ATP6V1B1: variants seen among roughly 807,000 people sequenced by gnomAD.
ATP6V1B1 encodes V-type proton ATPase subunit B, kidney isoform.
A neutral mutation model predicts 62.1 loss-of-function variants in ATP6V1B1; 41 were observed. The observed-to-expected ratio is 0.66, with a 90% CI of 0.51 to 0.86. The LOEUF is 0.86. Among genes scored for constraint, ATP6V1B1 ranks in the 40% least tolerant of loss-of-function variants. The probability of loss-of-function intolerance (pLI) is 0.00; values close to 1 mark genes in which losing one functional copy is unlikely to be tolerated. For missense variants in ATP6V1B1, 651 were observed against 697.5 expected (o/e 0.93, Z 0.75); for synonymous variants, 253 against 273.4 (o/e 0.93, Z 0.74).
rs554650578 is a variant in ATP6V1B1 at position 70,961,022 on chromosome 2, G to T, written c.687G>T (p.Gly229=). 1.3e-6 allele frequency: 2 copies of T among 1,578,624 alleles called. No individual in the cohort carries two copies. Among genetic ancestry groups the T allele is most frequent in the East Asian group, 4.7e-5 (2 of 42,864 alleles). ...DNFAIVFAAM[G]VNMETARFFK... is the part of the protein sequence containing the mutation. ...TCGCCATCGTCTTTGCAGCCATGGG[G>T]GTGAGGAGACTTAGTAGACTGGCAA... Residue 229 remains glycine, a splice_region_variant and synonymous_variant, in exon 7 of 14, where the codon GGG becomes GGT. Transcript: ENST00000234396.
At chr2:70,946,395 T>G (rs1169433748) in intron 2 of ATP6V1B1, among the ~76,000 whole-genome samples, 1 of 152,152 alleles carries the variant, frequency 6.6e-6, no homozygotes, top group Non-Finnish European at 1.5e-5. Flanking sequence ...GCTAGCTACA[T>G]GCCAACCCTA....
At chr2:70,937,749 G>C (rs1395489268) in intron 1 of ATP6V1B1, among the ~76,000 whole-genome samples, 1 of 151,806 alleles carries the variant, frequency 6.6e-6, no homozygotes, top group Non-Finnish European at 1.5e-5. Flanking sequence ...CCTGGAAAGT[G>C]CCCCCACCTC....
chr2:70,963,020 A>G lies in ATP6V1B1; in HGVS notation c.909+120A>G. The G allele has an allele frequency of 6.3e-7, 1 of 1,598,800 alleles. No homozygotes were observed. ...CACCCAAGCCTGCCCCACTCCCATG[A>G]GTTCCAGGGCTTGGTCTCAGCCTGG... is the stretch of plus-strand genomic sequence containing the variant. On this transcript the variant is annotated intron_variant, in intron 9 of 13. Transcript: ENST00000234396. This position sits in a 1 kb window ranked among gnomAD's most constrained non-coding sequence, Gnocchi z 4.3.
intron 4 of ATP6V1B1, 64 bp from the exon 5 acceptor site, chr2:70,958,954 T>C: frequency 6.6e-7 from 1 of 1,503,970 alleles, no homozygotes; most frequent in East Asian, 2.3e-5. Flanking sequence ...GTGTGGAGGG[T>C]AGACAGTAGT....
chr2:70,957,809 C>T (rs1680477692), intron 2 of ATP6V1B1: 1 of 551,158 alleles, frequency 1.8e-6, no homozygotes, highest in African/African-American at 1.9e-5. Flanking sequence ...CAAGGTCAGG[C>T]AGCTACTAAG....
chr2:70,947,879 G>T (rs1553417643), intron 2 of ATP6V1B1, among the ~76,000 whole-genome samples: 1 of 152,170 alleles, frequency 6.6e-6, no homozygotes, highest in African/African-American at 2.4e-5. Context: ...TCAGTATGCG[G>T]CTGGGAAATA....
chr2:70,959,215 T>A lies in ATP6V1B1; in HGVS notation c.445+120T>A. ...GTGATGGGAGAGCAGCAAAGGCCTC[T>A]CTATCCCCAAATCTTCCACTGAACC... On this transcript the variant is annotated intron_variant, in intron 5 of 13. Coordinates refer to ENST00000234396, the MANE Select transcript of ATP6V1B1 (RefSeq NM_001692.4). This position sits in a 1 kb window ranked among gnomAD's most constrained non-coding sequence, Gnocchi z 4.2. 1 of 1,072,912 alleles carries A rather than the reference T, an allele frequency of 9.3e-7. No individual in the cohort carries two copies. Among genetic ancestry groups the A allele is most frequent in the Non-Finnish European group, 1.4e-6 (1 of 710,162 alleles). 66.5% of individuals were successfully genotyped at this position (1,072,912 alleles called of 1,614,324 possible).
At chr2:70,944,669 T>C (rs1409187143) in intron 2 of ATP6V1B1, among the ~76,000 whole-genome samples, 1 of 93,828 alleles carries the variant, frequency 1.1e-5, no homozygotes, top group Non-Finnish European at 2.1e-5. Flanking sequence ...AGGTCTTTTC[T>C]TTTTTTTTTT....
At chr2:70,942,116 TC>T in intron 1 of ATP6V1B1, 1 of 933,892 alleles carries the variant, frequency 1.1e-6, no homozygotes, top group Non-Finnish European at 1.4e-6. Flanking sequence ...CTCTGGTCCT[TC>T]ACCCCATGGA....
chr2:70,944,857 CG>C (rs34745542), intron 2 of ATP6V1B1, among the ~76,000 whole-genome samples: 1 of 152,116 alleles, frequency 6.6e-6, no homozygotes, highest in Middle Eastern at 3.2e-3. Flanking sequence ...TTAGCAGAGA[CG>C]GGGTTTCCCC....
Position 70,963,561 on chromosome 2 carries a change from T to C in ATP6V1B1, c.1061-11T>C. 1 of 1,613,470 alleles carries C rather than the reference T, an allele frequency of 6.2e-7. No individual in the cohort carries two copies. The highest frequency in any genetic ancestry group is 8.5e-7 in the Non-Finnish European group (1 of 1,179,632). On this transcript the variant is annotated splice_polypyrimidine_tract_variant and intron_variant, in intron 10 of 13. Transcript: ENST00000234396. This position sits in a 1 kb window ranked among gnomAD's most constrained non-coding sequence, Gnocchi z 4.3. ...CCCCACCCACACTGAGGCCAGTGAG[T>C]TTTCTTGTAGATATCACCCACCCTA...
Position 70,965,409 on chromosome 2 carries a change from A to T in ATP6V1B1, c.*288A>T, listed in dbSNP as rs182807043. On this transcript the variant is annotated 3_prime_UTR_variant, in exon 14 of 14. Coordinates refer to ENST00000234396, the MANE Select transcript of ATP6V1B1 (RefSeq NM_001692.4). ...TGTTAAAAGCCCACAAAATAAAAATAAAAAGTAACTGAGATGAATTTACCT... is the reference window on the plus strand; with the variant it reads ...TGTTAAAAGCCCACAAAATAAAAATTAAAAGTAACTGAGATGAATTTACCT... 1.8e-4 allele frequency: 92 copies of T among 523,004 alleles called. No homozygotes were observed. Among genetic ancestry groups the T allele is most frequent in the African/African-American group, 1.6e-3 (83 of 52,364 alleles). The allele number at this position is 523,004 out of a possible 1,614,324, so 32.4% of individuals were successfully genotyped here.
chr2:70,944,960 C>A (rs782353189), intron 2 of ATP6V1B1, among the ~76,000 whole-genome samples: 1 of 152,170 alleles, frequency 6.6e-6, no homozygotes, highest in Non-Finnish European at 1.5e-5. Flanking sequence ...AGCCACCGTG[C>A]CCAGCTGCTT....
At position 70,959,594 on chromosome 2, in the gene ATP6V1B1, GTGA is replaced by G. The variant is rs1553419669; in HGVS notation, c.446-341_446-339del. Among the ~76,000 whole-genome samples, 1 of 152,266 alleles carries G rather than the reference GTGA, an allele frequency of 6.6e-6. No homozygotes were observed. The highest frequency in any genetic ancestry group is 1.5e-5 in the Non-Finnish European group (1 of 68,048). Reference sequence around the variant, plus strand: ...AACCCTGCACTAGTATCTGGAGGTGGTGATGAGGGCTCTGCCCTCTTGGGCCCT... The same window carrying G: ...AACCCTGCACTAGTATCTGGAGGTGGTGAGGGCTCTGCCCTCTTGGGCCCT... On this transcript the variant is annotated intron_variant, in intron 5 of 13. Transcript: ENST00000234396. This position sits in a 1 kb window ranked among gnomAD's most constrained non-coding sequence, Gnocchi z 4.2.
chr2:70,962,901 GT>G lies in ATP6V1B1; in HGVS notation c.909+2del. 1 of 1,613,946 alleles carries G rather than the reference GT, an allele frequency of 6.2e-7. No homozygotes were observed. Among genetic ancestry groups the G allele is most frequent in the Non-Finnish European group, 8.5e-7 (1 of 1,179,992 alleles). On this transcript the variant is annotated splice_donor_variant, in intron 9 of 13. Transcript: ENST00000234396. LOFTEE classifies it high-confidence loss of function. ...TTCCTATGCAGAGGCCTTGCGGGAG[GT>G]AAGCTGGCTAGCAAGGGGTGTCAGA...
intron 4 of ATP6V1B1, 100 bp from the exon 5 acceptor site, chr2:70,958,918 T>C (rs1680512770): frequency 1.7e-6 from 2 of 1,151,796 alleles, no homozygotes; most frequent in Non-Finnish European, 2.6e-6. Flanking sequence ...GGCACTCCTG[T>C]GGGGAGTGGG....
At chr2:70,944,154 A>G (rs1265076666) in intron 2 of ATP6V1B1, 123 of 1,287,406 alleles carry the variant, frequency 9.6e-5, no homozygotes, top group Non-Finnish European at 1.2e-4. Context: ...TGGCAAGTCA[A>G]TGCCAACTAA....
Position 70,963,017 on chromosome 2 carries a change from A to G in ATP6V1B1, c.909+117A>G, listed in dbSNP as rs530427411. The stretch of plus-strand genomic sequence containing the variant: ...GTCCACCCAAGCCTGCCCCACTCCC[A>G]TGAGTTCCAGGGCTTGGTCTCAGCC... On this transcript the variant is annotated intron_variant, in intron 9 of 13. Coordinates refer to ENST00000234396, the MANE Select transcript of ATP6V1B1 (RefSeq NM_001692.4). The surrounding 1 kb of genome is among the most constrained non-coding windows in gnomAD (Gnocchi z 4.3). 3.1e-6 allele frequency: 5 copies of G among 1,598,900 alleles called. No homozygotes were observed. In the Admixed American group the frequency reaches 5.0e-5, roughly 16 times the overall value.
At chr2:70,952,860 G>T (rs142793050) in intron 2 of ATP6V1B1, among the ~76,000 whole-genome samples, 1 of 152,028 alleles carries the variant, frequency 6.6e-6, no homozygotes, top group African/African-American at 2.4e-5. Flanking sequence ...AGTTCCTCCC[G>T]TACAAGGCTG....
Sources: gnomAD v4.1 joint callset for allele counts (sites outside exome capture counted in the v4.1 genomes callset) on GRCh38, gnomAD v4.1.1 for gene constraint, Gnocchi (gnomAD v3.1) non-coding constraint, MANE v1.5 for transcripts, NCBI Gene and HGNC (gene_info 2026-07-23, HGNC 2026-07-21) for gene names.